DPYD: variants seen among roughly 807,000 people sequenced by gnomAD.
DPYD encodes dihydropyrimidine dehydrogenase.
DPYD carries 109 observed loss-of-function variants against 116.2 expected under a neutral mutation model. That is an observed-to-expected ratio of 0.94 (90% CI 0.80 to 1.10). DPYD has a LOEUF of 1.10. Among genes scored for constraint, DPYD ranks in the 50% least tolerant of loss-of-function variants. DPYD has a pLI of 0.00. For missense variants in DPYD, 1,302 were observed against 1,254.5 expected, an observed-to-expected ratio of 1.04 and a Z score of -0.57; for synonymous variants, 440 against 432.0, an observed-to-expected ratio of 1.02 and a Z score of -0.23.
At chr1:97,876,906 CTA>C (rs1671948659) in intron 2 of DPYD, among the ~76,000 whole-genome samples, 1 of 151,922 alleles carries the variant, frequency 6.6e-6, no homozygotes, top group African/African-American at 2.4e-5. Context: ...CCCACCCAGT[CTA>C]TATAAATATT....
chr1:97,304,199 T>C (rs1331912237), intron 18 of DPYD, among the ~76,000 whole-genome samples: 1 of 151,990 alleles, frequency 6.6e-6, no homozygotes, highest in East Asian at 1.9e-4. Flanking sequence ...ATAGTGCATG[T>C]TACAGCCCAA....
chr1:97,158,942 G>T lies in DPYD; in HGVS notation c.2622+34127C>A, dbSNP rs764092452. 4.8e-4 allele frequency among the ~76,000 whole-genome samples: 73 copies of T among 152,114 alleles called. 3 individuals are homozygous for T. Among genetic ancestry groups the T allele is most frequent in the Non-Finnish European group, 1.8e-4 (12 of 68,008 alleles). On this transcript the variant is annotated intron_variant, in intron 20 of 22. Coordinates refer to ENST00000370192, the MANE Select transcript of DPYD (RefSeq NM_000110.4). Reference sequence around the variant, plus strand: ...GGGTTTGCATTAAGATAAGTTAATTGTCTGCTAAAGCAAACAAAAATCGGG... The same window carrying T: ...GGGTTTGCATTAAGATAAGTTAATTTTCTGCTAAAGCAAACAAAAATCGGG...
In DPYD at chr1:97,740,336, T is replaced by C. The variant is rs987498933; in HGVS notation, c.321+56A>G. ...AGCTGTATTCTGTACCCACAGATAA[T>C]AGAGAACAAGATCAAATACTGTTAT... is the stretch of plus-strand genomic sequence containing the variant. On this transcript the variant is annotated intron_variant, in intron 4 of 22. Transcript: ENST00000370192. 15 of 1,425,436 alleles carry C rather than the reference T, an allele frequency of 1.1e-5. No homozygotes were observed. In the African/African-American group the frequency reaches 1.3e-4, roughly 12 times the overall value. The allele number at this position is 1,425,436 out of a possible 1,614,324, so 88.3% of individuals were successfully genotyped here.
chr1:97,161,025 C>A (rs1459376793), intron 20 of DPYD, among the ~76,000 whole-genome samples: 1 of 152,132 alleles, frequency 6.6e-6, no homozygotes, highest in Non-Finnish European at 1.5e-5. Flanking sequence ...TAATTTTGAG[C>A]CGGCGTTTTA....
rs375490078 is a variant in DPYD at position 97,257,452 on chromosome 1, T to TATATAGAGAGAGAGAGAG, written c.2300-22459_2300-22458insCTCTCTCTCTCTCTATAT. 8.0e-3 allele frequency among the ~76,000 whole-genome samples: 1,012 copies of TATATAGAGAGAGAGAGAG among 126,324 alleles called. 8 individuals are homozygous for TATATAGAGAGAGAGAGAG. The highest frequency in any genetic ancestry group is 0.019 in the East Asian group (77 of 4,018). The allele number at this position is 126,324 out of a possible 152,430, so 82.9% of individuals were successfully genotyped here. Reference sequence around the variant, plus strand: ...ATACATACGTATATATATATATATATAGAGAGAGAGAAAGAGAGAGAGAGC... The same window carrying TATATAGAGAGAGAGAGAG: ...ATACATACGTATATATATATATATATATATAGAGAGAGAGAGAGAGAGAGAGAGAAAGAGAGAGAGAGC... On this transcript the variant is annotated intron_variant, in intron 18 of 22. Coordinates refer to ENST00000370192, the MANE Select transcript of DPYD (RefSeq NM_000110.4).
chr1:97,756,209 C>T lies in DPYD; in HGVS notation c.234-15730G>A, dbSNP rs771499537. ...GATCATAATAAAATTGTAAATATTACGTGCATCTATTAGGATTATAATGAA... is the reference window on the plus strand; with the variant it reads ...GATCATAATAAAATTGTAAATATTATGTGCATCTATTAGGATTATAATGAA... On this transcript the variant is annotated intron_variant, in intron 3 of 22. Coordinates refer to ENST00000370192, the MANE Select transcript of DPYD (RefSeq NM_000110.4). Among the ~76,000 whole-genome samples, 12 of 152,164 alleles carry T rather than the reference C, an allele frequency of 7.9e-5. No homozygotes were observed. In the East Asian group the frequency reaches 1.2e-3, roughly 15 times the overall value.
intron 16 of DPYD, among the ~76,000 whole-genome samples, chr1:97,348,376 C>T (rs766531565): frequency 6.6e-6 from 1 of 152,122 alleles, no homozygotes; most frequent in Non-Finnish European, 1.5e-5. Flanking sequence ...TAAAATTCTG[C>T]AAAACCTTTT....
intron 14 of DPYD, among the ~76,000 whole-genome samples, chr1:97,396,178 T>A (rs78101370): frequency 0.043 from 6,608 of 151,948 alleles, 253 homozygotes; most frequent in East Asian, 0.17. Context: ...ACATGACTTA[T>A]CTCTAATCCT....
chr1:97,822,394 TA>T (rs1425062961), intron 3 of DPYD, among the ~76,000 whole-genome samples: 1 of 148,002 alleles, frequency 6.8e-6, no homozygotes, highest in Non-Finnish European at 1.5e-5. Context: ...AATATATAAA[TA>T]ATATATATTT....
intron 18 of DPYD, among the ~76,000 whole-genome samples, chr1:97,288,906 T>C (rs918073070): frequency 1.3e-5 from 2 of 152,014 alleles, no homozygotes; most frequent in Admixed American, 6.6e-5. Context: ...GATCTGGTTT[T>C]TTGAAAGGAT....
intron 22 of DPYD, among the ~76,000 whole-genome samples, 175 bp from the exon 23 acceptor site, chr1:97,079,321 G>A (rs971272979): frequency 1.3e-5 from 2 of 152,132 alleles, no homozygotes; most frequent in Non-Finnish European, 2.9e-5. Context: ...AAAAAAGAGC[G>A]AGAAAAGAAA....
intron 11 of DPYD, among the ~76,000 whole-genome samples, chr1:97,570,288 T>C (rs770461611): frequency 6.6e-6 from 1 of 152,034 alleles, no homozygotes; most frequent in Non-Finnish European, 1.5e-5. Context: ...TACAATATTA[T>C]TGCAACCAGA....
chr1:97,549,753 A>G lies in DPYD; in HGVS notation c.1340-9T>C. 1 of 1,612,414 alleles carries G rather than the reference A, an allele frequency of 6.2e-7. No homozygotes were observed. Among genetic ancestry groups the G allele is most frequent in the Non-Finnish European group, 8.5e-7 (1 of 1,178,914 alleles). Reference sequence around the variant, plus strand: ...GCTCAAGGCTTCTTTTACTGAAAAAACAAGTGAAAAACAATAGACAATCAC... The same window carrying G: ...GCTCAAGGCTTCTTTTACTGAAAAAGCAAGTGAAAAACAATAGACAATCAC... On this transcript the variant is annotated splice_polypyrimidine_tract_variant and intron_variant, in intron 11 of 22. Transcript: ENST00000370192.
At chr1:97,905,128 T>C (rs1247441064) in intron 1 of DPYD, among the ~76,000 whole-genome samples, 1 of 152,042 alleles carries the variant, frequency 6.6e-6, no homozygotes, top group Non-Finnish European at 1.5e-5. Flanking sequence ...TCAGATTAAC[T>C]GAGAACTAGA....
rs370962551 is a variant in DPYD at position 97,543,523 on chromosome 1, C to T, written c.1524+6037G>A. Among the ~76,000 whole-genome samples the T allele has an allele frequency of 1.6e-4, 25 of 152,236 alleles. No individual in the cohort carries two copies. The South Asian group carries it at 2.1e-3, about 13-fold the overall frequency. The stretch of plus-strand genomic sequence containing the variant: ...TAATACTATAATCTGTTTATAAAAT[C>T]ATATTTTAAAATAAGCTATTCAATG... On this transcript the variant is annotated intron_variant, in intron 12 of 22. Coordinates refer to ENST00000370192, the MANE Select transcript of DPYD (RefSeq NM_000110.4).
At chr1:97,570,943 G>A (rs1379163040) in intron 11 of DPYD, among the ~76,000 whole-genome samples, 2 of 151,912 alleles carry the variant, frequency 1.3e-5, no homozygotes, top group African/African-American at 4.8e-5. Flanking sequence ...AGGATGAAAG[G>A]AGGTCTTCTG....
chr1:97,710,016 T>C (rs1662195999), intron 5 of DPYD, among the ~76,000 whole-genome samples: 1 of 151,828 alleles, frequency 6.6e-6, no homozygotes, highest in Non-Finnish European at 1.5e-5. Context: ...GTATTCTACA[T>C]ACCTCACAAG....
chr1:97,102,512 C>CGTGT (rs36153065), intron 20 of DPYD, among the ~76,000 whole-genome samples: 1 of 144,626 alleles, frequency 6.9e-6, no homozygotes, highest in Non-Finnish European at 1.5e-5. Flanking sequence ...ATACCTATTT[C>CGTGT]GTGTGTGTGT....
intron 20 of DPYD, among the ~76,000 whole-genome samples, chr1:97,153,180 A>G (rs1655162161): frequency 1.3e-5 from 2 of 152,136 alleles, no homozygotes; most frequent in African/African-American, 4.8e-5. Context: ...ACTTTTTTCC[A>G]TTACTACTAT....
Sources: allele counts gnomAD v4.1 joint callset (sites outside exome capture counted in the v4.1 genomes callset), GRCh38; gene constraint gnomAD v4.1.1; transcripts MANE v1.5; gene names NCBI Gene and HGNC (gene_info 2026-07-23, HGNC 2026-07-21).